C1RL: variants seen among roughly 807,000 people sequenced by gnomAD.
C1RL encodes the protein complement C1r subcomponent like, also known as complement C1r subcomponent-like protein.
Under a neutral mutation model 27.9 loss-of-function variants are expected in C1RL, and 27 were observed. That is an observed-to-expected ratio of 0.97 (90% CI 0.71 to 1.33). The LOEUF (loss-of-function observed/expected upper bound fraction) is 1.33. Among genes scored for constraint, C1RL ranks in the 40% most tolerant of loss-of-function variants. The pLI is 0.00. For synonymous variants in C1RL, 248 were observed against 252.1 expected, an observed-to-expected ratio of 0.98 and a Z score of 0.15; for missense variants, 563 against 623.9, an observed-to-expected ratio of 0.90 and a Z score of 1.04.
intron 5 of C1RL, among the ~76,000 whole-genome samples, chr12:7,099,225 CAA>C (rs1180325788): frequency 0.011 from 469 of 44,260 alleles, no homozygotes; most frequent in African/African-American, 0.031. Flanking sequence ...AACTCCATCC[CAA>C]AAAAAAAAAA....
chr12:7,097,166 G>A lies in C1RL; in HGVS notation c.692-3C>T, dbSNP rs1285818675. The A allele has an allele frequency of 4.4e-6, 7 of 1,596,400 alleles. No homozygotes were observed. Among genetic ancestry groups the A allele is most frequent in the Non-Finnish European group, 4.3e-6 (5 of 1,170,270 alleles). ...GGGGGTGACTGGCCGTCCGCAGACT[G>A]GGAGAGAGGCGGGGTAGGGGTGACA... is the stretch of plus-strand genomic sequence containing the variant. On this transcript the variant is annotated splice_region_variant and splice_polypyrimidine_tract_variant and intron_variant, in intron 5 of 5. Coordinates refer to ENST00000266542, the MANE Select transcript of C1RL (RefSeq NM_016546.4).
intron 5 of C1RL, among the ~76,000 whole-genome samples, chr12:7,097,910 C>T (rs1938499555): frequency 6.6e-6 from 1 of 152,160 alleles, no homozygotes; most frequent in Non-Finnish European, 1.5e-5. Context: ...CCAAACCATC[C>T]CCAAAGCACT....
chr12:7,102,616 C>G (rs1017957642), intron 2 of C1RL, among the ~76,000 whole-genome samples: 1 of 152,182 alleles, frequency 6.6e-6, no homozygotes, highest in African/African-American at 2.4e-5. Flanking sequence ...GCAGTAATAC[C>G]CTCTGCAGAG....
At chr12:7,099,467 C>T in intron 5 of C1RL, 1 of 984,480 alleles carries the variant, frequency 1.0e-6, no homozygotes, top group Non-Finnish European at 1.2e-6. Flanking sequence ...TCATGAACGT[C>T]CTTCATGCTT....
chr12:7,099,866 G>A, intron 4 of C1RL, 35 bp downstream of exon 4: 1 of 1,613,200 alleles, frequency 6.2e-7, no homozygotes, highest in Non-Finnish European at 8.5e-7. Context: ...GGAATGAGGT[G>A]GATGGAAGCC....
chr12:7,102,846 G>T (rs751913304), intron 2 of C1RL, among the ~76,000 whole-genome samples: 1 of 152,118 alleles, frequency 6.6e-6, no homozygotes, highest in Non-Finnish European at 1.5e-5. Context: ...ATACCTTCCT[G>T]TGGGTTCCTT....
Position 7,096,218 on chromosome 12 carries a change from C to T in C1RL, c.*173G>A, listed in dbSNP as rs768856368. The T allele has an allele frequency of 2.0e-4, 278 of 1,384,286 alleles. No homozygotes were observed. In the Middle Eastern group the frequency reaches 2.1e-3, roughly 11 times the overall value. The allele number at this position is 1,384,286 out of a possible 1,614,324, so 85.8% of individuals were successfully genotyped here. A position where few individuals can be genotyped will look rare whatever the true frequency, so the allele number is the denominator to read the frequency against. On this transcript the variant is annotated 3_prime_UTR_variant, in exon 6 of 6. Coordinates refer to ENST00000266542, the MANE Select transcript of C1RL (RefSeq NM_016546.4). The stretch of plus-strand genomic sequence containing the variant: ...CCTGTCTGGGATGGGGCGGGCTTGC[C>T]GGGTGGGGGTTTCTCTTGCAGTGGC...
chr12:7,109,071 C>T (rs371691606), intron 1 of C1RL, 39 bp downstream of exon 1: 259 of 1,502,322 alleles, frequency 1.7e-4, no homozygotes, highest in Non-Finnish European at 2.2e-4. Flanking sequence ...TCTTCCCCTC[C>T]CGTCCTCTTC....
chr12:7,108,168 G>A lies in C1RL; in HGVS notation c.300+83C>T, dbSNP rs1462575389. The A allele has an allele frequency of 4.4e-6, 5 of 1,133,660 alleles. 1 individual carries two copies. The highest frequency in any genetic ancestry group is 4.8e-4 in the Middle Eastern group (2 of 4,142). 70.2% of individuals were successfully genotyped at this position (1,133,660 alleles called of 1,614,324 possible). A position where few individuals can be genotyped will look rare whatever the true frequency, so the allele number is the denominator to read the frequency against. ...AAATTCATCCCTCCTCCAGATGGGG[G>A]ATTCAGGGCACCGCCACTTCCCACA... On this transcript the variant is annotated intron_variant, in intron 2 of 5. Coordinates refer to ENST00000266542, the MANE Select transcript of C1RL (RefSeq NM_016546.4).
chr12:7,108,156 C>T, intron 2 of C1RL, 95 bp downstream of exon 2: 1 of 1,030,012 alleles, frequency 9.7e-7, no homozygotes, highest in Non-Finnish European at 1.4e-6. Flanking sequence ...TTCATCCCTC[C>T]TCCAGATGGG....
rs372188483 is a variant in C1RL at position 7,096,385 on chromosome 12, C to G, written c.*6G>C. On this transcript the variant is annotated 3_prime_UTR_variant, in exon 6 of 6. Transcript: ENST00000266542. ...TGCTGGTCAGTCCCTGTTCAAGCCC[C>G]CAGGGTCAATTCTTGCCATTCATCA... 2.5e-6 allele frequency: 4 copies of G among 1,596,276 alleles called. No individual in the cohort carries two copies. The African/African-American group carries it at 5.4e-5, about 21-fold the overall frequency.
Position 7,108,235 on chromosome 12 carries a change from C to T in C1RL, c.300+16G>A, listed in dbSNP as rs200007853. Reference sequence around the variant, plus strand: ...TGGCCACAGTCCTGGCGGGACCCCCCCCATCCCCAGCTCACTGTGACAGAG... The same window carrying T: ...TGGCCACAGTCCTGGCGGGACCCCCTCCATCCCCAGCTCACTGTGACAGAG... On this transcript the variant is annotated intron_variant, in intron 2 of 5. Coordinates refer to ENST00000266542, the MANE Select transcript of C1RL (RefSeq NM_016546.4). 5.2e-4 allele frequency: 829 copies of T among 1,580,562 alleles called. 2 individuals are homozygous for T. The highest frequency in any genetic ancestry group is 4.9e-3 in the Middle Eastern group (29 of 5,924).
chr12:7,097,846 C>A (rs1938497736), intron 5 of C1RL, among the ~76,000 whole-genome samples: 1 of 152,200 alleles, frequency 6.6e-6, no homozygotes, highest in Non-Finnish European at 1.5e-5. Context: ...GTGCCTCCTG[C>A]CTCAGTTTTG....
rs776832074 is a variant in C1RL, at chr12:7,097,058, C to T, written c.797G>A (p.Gly266Asp). 2 of 1,614,164 alleles carry T rather than the reference C, an allele frequency of 1.2e-6. No homozygotes were observed. Among genetic ancestry groups the T allele is most frequent in the Admixed American group, 3.3e-5 (2 of 60,028 alleles). ...CCCCAGCAGGGCCCCGCCCCCACGG[C>T]CGTGGATACTGGTGAAGGCTTGCCA... Reference protein sequence around the residue: ...FPWQAFTSIHGRGGGALLGDR... With the variant: ...FPWQAFTSIHDRGGGALLGDR... The change falls in exon 6 of 6, where the codon GGC becomes GAC. Residue 266 changes from glycine to aspartate, a missense_variant. Gly to Asp is a moderately conservative substitution (Grantham distance 94). Coordinates refer to ENST00000266542, the MANE Select transcript of C1RL (RefSeq NM_016546.4).
Position 7,097,048 on chromosome 12 carries a change from G to C in C1RL, c.807C>G (p.Gly269=). Residue 269 remains glycine, a synonymous_variant, in exon 6 of 6, where the codon GGC becomes GGG. Transcript: ENST00000266542. The part of the protein sequence containing the change: ...QAFTSIHGRG[G]GALLGDRWIL... ...TCCATCTGTCCCCCAGCAGGGCCCC[G>C]CCCCCACGGCCGTGGATACTGGTGA... 1 of 1,614,094 alleles carries C rather than the reference G, an allele frequency of 6.2e-7. No homozygotes were observed. The highest frequency in any genetic ancestry group is 8.5e-7 in the Non-Finnish European group (1 of 1,179,992).
In C1RL at chr12:7,099,981, T is replaced by A; in HGVS notation, c.536A>T (p.Glu179Val). Residue 179 changes from glutamate (E) to valine (V), a missense_variant, in exon 4 of 6, where the codon GAG (glutamate) becomes GTG (valine). Transcript: ENST00000266542. ...GTTGTCTCCAGGTGCGTTGATGGCC[T>A]CAGAGCCCCTGCTGGCCTCGCTGAT... ...QPISEASRGS[E>V]AINAPGDNPA... 6.2e-7 allele frequency: 1 copy of A among 1,613,898 alleles called. No individual in the cohort carries two copies. Among genetic ancestry groups the A allele is most frequent in the Non-Finnish European group, 8.5e-7 (1 of 1,179,962 alleles).
chr12:7,099,055 A>AAT (rs1938533888), intron 5 of C1RL, among the ~76,000 whole-genome samples: 1 of 149,508 alleles, frequency 6.7e-6, no homozygotes, highest in East Asian at 2.0e-4. Context: ...AAAAAAAAAA[A>AAT]AATAAAATAA....
chr12:7,101,379 TC>T (rs1938622036), intron 3 of C1RL, among the ~76,000 whole-genome samples: 1 of 151,470 alleles, frequency 6.6e-6, no homozygotes, highest in African/African-American at 2.4e-5. Flanking sequence ...CAAGCAATCC[TC>T]CCCCTCAGTC....
intron 1 of C1RL, 26 bp from the exon 2 acceptor site, chr12:7,108,505 GGGGCC>G: frequency 6.5e-7 from 1 of 1,544,124 alleles, no homozygotes. Context: ...AGGGCAAGGT[GGGGCC>G]GCGCAGCTAT....
Sources: gnomAD v4.1 joint callset for allele counts (sites outside exome capture counted in the v4.1 genomes callset) on GRCh38, gnomAD v4.1.1 for gene constraint, MANE v1.5 for transcripts, NCBI Gene and HGNC (gene_info 2026-07-23, HGNC 2026-07-21) for gene names.